The following SLC9A5 variants were observed in gnomAD, a reference collection of about 807,000 sequenced individuals.
The protein encoded by SLC9A5 is solute carrier family 9 member A5, also known as sodium/hydrogen exchanger 5.
A neutral mutation model predicts 91.7 loss-of-function variants in SLC9A5; 52 were observed. The ratio of observed to expected loss-of-function variants is 0.57; its 90% CI spans 0.45 to 0.71. The LOEUF (loss-of-function observed/expected upper bound fraction) is 0.71, where lower values mean the gene tolerates loss of function less well. Among genes scored for constraint, SLC9A5 ranks in the 30% least tolerant of loss-of-function variants. The pLI is 0.00. For missense variants in SLC9A5, 871 were observed against 1,158.9 expected (o/e 0.75, Z 3.61); for synonymous variants, 419 against 474.5 (o/e 0.88, Z 1.52).
intron 11 of SLC9A5, 37 bp from the exon 12 acceptor site, chr16:67,259,783 C>T: frequency 1.2e-6 from 2 of 1,608,022 alleles, no homozygotes; most frequent in Non-Finnish European, 8.5e-7. Context: ...CTGCCTCCTG[C>T]CCCCTCTCCA....
At chr16:67,254,964 T>C (rs1317700231) in intron 2 of SLC9A5, 57 bp from the exon 3 acceptor site, 1 of 1,554,632 alleles carries the variant, frequency 6.4e-7, no homozygotes, top group Non-Finnish European at 8.8e-7. Flanking sequence ...CAGGGCGTGC[T>C]CCAGGAGACT....
intron 14 of SLC9A5, 57 bp from the exon 15 acceptor site, chr16:67,266,031 G>A: frequency 6.2e-7 from 1 of 1,602,434 alleles, no homozygotes; most frequent in Non-Finnish European, 8.5e-7. Context: ...GGGCTGTGTA[G>A]TCCCAACAGG....
rs1478011751 is a variant in SLC9A5 at position 67,255,224 on chromosome 16, C to T, written c.654+40C>T. ...CTGACTGCCATTCCCTGACCCCAGG[C>T]TGCATGCTCTGACCAACTAGGGGTC... On this transcript the variant is annotated intron_variant, in intron 3 of 15. Coordinates refer to ENST00000299798, the MANE Select transcript of SLC9A5 (RefSeq NM_004594.3). This position sits in a 1 kb window ranked among gnomAD's most constrained non-coding sequence, Gnocchi z 4.9. 6.3e-7 allele frequency: 1 copy of T among 1,598,424 alleles called. No individual in the cohort carries two copies. Among genetic ancestry groups the T allele is most frequent in the Admixed American group, 1.7e-5 (1 of 59,444 alleles).
intron 15 of SLC9A5, among the ~76,000 whole-genome samples, chr16:67,269,612 T>C (rs1216329758): frequency 6.6e-6 from 1 of 152,184 alleles, no homozygotes; most frequent in Admixed American, 6.5e-5. Context: ...GTTGTTGTTA[T>C]CGCATTTTAA....
intron 15 of SLC9A5, among the ~76,000 whole-genome samples, chr16:67,268,219 G>A (rs899389250): frequency 1.2e-4 from 17 of 137,850 alleles, no homozygotes; most frequent in Admixed American, 6.1e-4. Context: ...GCCTTGTTAT[G>A]TTGCCCAGGC....
intron 15 of SLC9A5, among the ~76,000 whole-genome samples, chr16:67,269,894 C>A (rs568613041): frequency 6.6e-6 from 1 of 152,292 alleles, no homozygotes; most frequent in Admixed American, 6.5e-5. Context: ...CTCGTCATCC[C>A]CTTTGCGGCA....
At position 67,264,420 on chromosome 16, in the gene SLC9A5, C is replaced by T. The variant is rs745349628; in HGVS notation, c.1911C>T (p.Phe637=). Residue 637 remains phenylalanine, a synonymous_variant, in exon 13 of 16, where the codon TTC becomes TTT. Transcript: ENST00000299798. ...AGGAGCGGCAGGACAAGGAGGTCTT[C>T]CAGCAGAACATGAAGCGGCGGCTGG... ...DAQERQDKEV[F]QQNMKRRLES... The T allele has an allele frequency of 3.1e-6, 5 of 1,614,182 alleles. No individual in the cohort carries two copies. The highest frequency in any genetic ancestry group is 4.2e-6 in the Non-Finnish European group (5 of 1,180,030).
At chr16:67,266,669 T>C (rs1489146145) in intron 15 of SLC9A5, among the ~76,000 whole-genome samples, 4 of 152,000 alleles carry the variant, frequency 2.6e-5, no homozygotes, top group Non-Finnish European at 5.9e-5. Flanking sequence ...GCCTCCCTAG[T>C]AGCTGGGATT....
Position 67,252,687 on chromosome 16 carries a change from G to C in SLC9A5, c.333G>C (p.Leu111=), listed in dbSNP as rs61740454. The C allele has an allele frequency of 0.035, 56,970 of 1,614,128 alleles. 1,116 individuals carry two copies. Among genetic ancestry groups the C allele is most frequent in the African/African-American group, 0.05 (3,728 of 75,036 alleles). ...AGCCAGGCACCTTCTTCCTCTTCCT[G>C]CTGCCTCCTATTGTGTTGGACTCAG... ...QLEPGTFFLF[L]LPPIVLDSGY... is the part of the protein sequence containing the mutation. Residue 111 remains leucine (L), a synonymous_variant, in exon 2 of 16, where the codon CTG becomes CTC. Transcript: ENST00000299798. The surrounding 1 kb of genome is among the most constrained non-coding windows in gnomAD (Gnocchi z 4.0).
In SLC9A5 at chr16:67,256,816, C is replaced by A; in HGVS notation, c.1133-95C>A. The A allele has an allele frequency of 7.1e-7, 1 of 1,398,874 alleles. No individual in the cohort carries two copies. Among genetic ancestry groups the A allele is most frequent in the Non-Finnish European group, 1.0e-6 (1 of 995,914 alleles). 86.7% of individuals were successfully genotyped at this position (1,398,874 alleles called of 1,614,324 possible). A position where few individuals can be genotyped will look rare whatever the true frequency, so the allele number is the denominator to read the frequency against. On this transcript the variant is annotated intron_variant, in intron 6 of 15. Transcript: ENST00000299798. The surrounding 1 kb of genome is among the most constrained non-coding windows in gnomAD (Gnocchi z 4.1). ...TCCTCTTGTTGCTCACCTGTCCCAG[C>A]CCCTGTTAGACCTCAGCCCAGATAC...
chr16:67,249,125 C>A lies in SLC9A5; in HGVS notation c.111C>A (p.Phe37Leu). The change falls in exon 1 of 16, where the codon TTC becomes TTA. Residue 37 changes from phenylalanine (F) to leucine (L), a missense_variant. Phe to Leu is a conservative substitution (Grantham distance 22). Coordinates refer to ENST00000299798, the MANE Select transcript of SLC9A5 (RefSeq NM_004594.3). ...AGCCTCCCCCAGGCTTAGAGCTCTT[C>A]CGCTGGCAGTGGCACGAGGTGGAGG... ...PGEPPPGLEL[F>L]RWQWHEVEAP... The A allele has an allele frequency of 1.3e-6, 2 of 1,557,286 alleles. No individual in the cohort carries two copies. The highest frequency in any genetic ancestry group is 1.7e-6 in the Non-Finnish European group (2 of 1,157,876).
Position 67,260,933 on chromosome 16 carries a change from TTC to T in SLC9A5, c.1842+989_1842+990del, listed in dbSNP as rs1411549693. Among the ~76,000 whole-genome samples, 13 of 152,316 alleles carry T rather than the reference TTC, an allele frequency of 8.5e-5. No homozygotes were observed. In the South Asian group the frequency reaches 2.3e-3, roughly 27 times the overall value. ...TGGCAGTTTCAACAGTCAAAGCTCTTTCTACTGTTGAAACAGAATTGGCCTCC... is the reference window on the plus strand; with the variant it reads ...TGGCAGTTTCAACAGTCAAAGCTCTTTACTGTTGAAACAGAATTGGCCTCC... On this transcript the variant is annotated intron_variant, in intron 12 of 15. Transcript: ENST00000299798.
chr16:67,259,624 C>T lies in SLC9A5; in HGVS notation c.1678C>T (p.Arg560Cys), dbSNP rs376890989. ...TCTCACTCTGCCTTCTATGCCCAGC[C>T]GCAATTCTGTGGCAGAAACTTCTGT... ...TGLTLPSMPS[R>C]NSVAETSVTN... The change falls in exon 11 of 16, where the codon CGC (arginine) becomes TGC (cysteine). Residue 560 changes from arginine (R) to cysteine (C), a missense_variant. Arg to Cys is a radical substitution (Grantham distance 180). Coordinates refer to ENST00000299798, the MANE Select transcript of SLC9A5 (RefSeq NM_004594.3). The T allele has an allele frequency of 9.7e-5, 156 of 1,614,028 alleles. No homozygotes were observed. Among genetic ancestry groups the T allele is most frequent in the Non-Finnish European group, 1.3e-4 (150 of 1,180,030 alleles).
chr16:67,256,034 C>A lies in SLC9A5; in HGVS notation c.911+104C>A. 1 of 1,283,830 alleles carries A rather than the reference C, an allele frequency of 7.8e-7. No homozygotes were observed. Among genetic ancestry groups the A allele is most frequent in the East Asian group, 2.5e-5 (1 of 40,218 alleles). The allele number at this position is 1,283,830 out of a possible 1,614,324, so 79.5% of individuals were successfully genotyped here. On this transcript the variant is annotated intron_variant, in intron 5 of 15. Coordinates refer to ENST00000299798, the MANE Select transcript of SLC9A5 (RefSeq NM_004594.3). This position sits in a 1 kb window ranked among gnomAD's most constrained non-coding sequence, Gnocchi z 4.1. ...GAACTTCAGGAGTCCATAGGTTTCC[C>A]TGAGCCCTTGTGGTAGTGGGAGCCT...
At chr16:67,261,143 G>A (rs2035517731) in intron 12 of SLC9A5, 1 of 152,158 alleles carries the variant, frequency 6.6e-6, no homozygotes, top group African/African-American at 2.4e-5. Flanking sequence ...TGCTACTCTA[G>A]CTGTGGCTGG....
chr16:67,258,172 G>A lies in SLC9A5; in HGVS notation c.1497-146G>A. On this transcript the variant is annotated intron_variant, in intron 9 of 15. Coordinates refer to ENST00000299798, the MANE Select transcript of SLC9A5 (RefSeq NM_004594.3). The surrounding 1 kb of genome is among the most constrained non-coding windows in gnomAD (Gnocchi z 4.5). ...TGACATTGTAAATTCCATGAGGGCA[G>A]GGACTAGCCTTGAGATTCTCTCTGG... 2 of 710,136 alleles carry A rather than the reference G, an allele frequency of 2.8e-6. No individual in the cohort carries two copies. The highest frequency in any genetic ancestry group is 3.6e-5 in the South Asian group (2 of 55,810). 44.0% of individuals were successfully genotyped at this position (710,136 alleles called of 1,614,324 possible). A position where few individuals can be genotyped will look rare whatever the true frequency, so the allele number is the denominator to read the frequency against.
chr16:67,250,302 G>A (rs955244135), intron 1 of SLC9A5, among the ~76,000 whole-genome samples: 2 of 152,154 alleles, frequency 1.3e-5, no homozygotes, highest in East Asian at 1.9e-4. Context: ...CTTGGATCTC[G>A]GGGCTGGGGT....
At chr16:67,259,742 T>C in intron 11 of SLC9A5, 78 bp from the exon 12 acceptor site, 4 of 1,593,556 alleles carry the variant, frequency 2.5e-6, no homozygotes, top group Non-Finnish European at 3.4e-6. Flanking sequence ...GGGAGATTTG[T>C]CAGCACCTTT....
chr16:67,268,176 CT>C (rs72054057), intron 15 of SLC9A5, among the ~76,000 whole-genome samples: 5,297 of 128,938 alleles, frequency 0.041, 116 homozygotes, highest in South Asian at 0.068. Context: ...CATGCCCAGC[CT>C]TTTTTTTTTT....
Sources: allele counts gnomAD v4.1 joint callset (sites outside exome capture counted in the v4.1 genomes callset), GRCh38; gene constraint gnomAD v4.1.1; non-coding constraint Gnocchi (gnomAD v3.1); transcripts MANE v1.5; gene names NCBI Gene and HGNC (gene_info 2026-07-23, HGNC 2026-07-21).